Variants in PITPNC1 observed in about 807,000 individuals in gnomAD.
The protein encoded by PITPNC1 is phosphatidylinositol transfer protein cytoplasmic 1, also known as cytoplasmic phosphatidylinositol transfer protein 1.
In PITPNC1, 18 loss-of-function variants were observed where a neutral mutation model predicts 44.7. The ratio of observed to expected loss-of-function variants is 0.40; its 90% confidence interval spans 0.28 to 0.60. The LOEUF is 0.60. PITPNC1 is among the 20% of genes least tolerant of loss of function. The pLI is 0.39. For synonymous variants in PITPNC1, 141 were observed against 149.6 expected (o/e 0.94, Z 0.42); for missense variants, 290 against 418.4 (o/e 0.69, Z 2.68).
rs1033768114 is a variant in PITPNC1, at chr17:67,661,003, C to T, written c.463-8505C>T. On this transcript the variant is annotated intron_variant, in intron 6 of 8. Coordinates refer to ENST00000581322, the MANE Select transcript of PITPNC1 (RefSeq NM_012417.4). Reference sequence around the variant, plus strand: ...CCTACCAAGTAGCTGGGACTACAGGCGCCCGCCACCACGCCCAGCTAATTT... The same window carrying T: ...CCTACCAAGTAGCTGGGACTACAGGTGCCCGCCACCACGCCCAGCTAATTT... Among the ~76,000 whole-genome samples the T allele has an allele frequency of 7.3e-5, 11 of 150,682 alleles. No individual in the cohort carries two copies. In the East Asian group the frequency reaches 1.6e-3, roughly 21 times the overall value.
At chr17:67,462,789 G>C (rs192487770) in intron 1 of PITPNC1, among the ~76,000 whole-genome samples, 2 of 142,138 alleles carry the variant, frequency 1.4e-5, no homozygotes, top group Non-Finnish European at 1.5e-5. Flanking sequence ...CGCAACCTCC[G>C]CCTCCTGGGT....
intron 5 of PITPNC1, among the ~76,000 whole-genome samples, chr17:67,623,032 C>T (rs1265137408): frequency 6.7e-6 from 1 of 148,634 alleles, no homozygotes; most frequent in East Asian, 2.0e-4. Context: ...ATTCTGCTTC[C>T]AGTGTTCCTG....
At chr17:67,612,777 G>A (rs1248746579) in intron 5 of PITPNC1, 1 of 152,374 alleles carries the variant, frequency 6.6e-6, no homozygotes, top group Non-Finnish European at 1.5e-5. Flanking sequence ...AGAGTTAAGA[G>A]TCCAGCAGTT....
intron 1 of PITPNC1, among the ~76,000 whole-genome samples, chr17:67,522,904 A>C (rs1420439706): frequency 6.6e-6 from 1 of 152,032 alleles, no homozygotes; most frequent in East Asian, 1.9e-4. Flanking sequence ...TCTTGGGCTC[A>C]AGCTGTCCTC....
Position 67,378,195 on chromosome 17 carries a change from T to C in PITPNC1, c.41T>C (p.Val14Ala). Residue 14 changes from valine (V) to alanine (A), a missense_variant, in exon 1 of 9, where the codon GTA becomes GCA. By Grantham distance (64) the Val-to-Ala change is moderately conservative. Transcript: ENST00000581322. ...TACCGGATCTGCATGCCGCTCACCGTAGACGAGGTAAGCGCCGCGCCCGGC... is the reference window on the plus strand; with the variant it reads ...TACCGGATCTGCATGCCGCTCACCGCAGACGAGGTAAGCGCCGCGCCCGGC... ...KEYRICMPLT[V>A]DEYKIGQLYM... The C allele has an allele frequency of 6.5e-7, 1 of 1,541,038 alleles. No individual in the cohort carries two copies. Among genetic ancestry groups the C allele is most frequent in the Non-Finnish European group, 8.7e-7 (1 of 1,147,706 alleles).
intron 5 of PITPNC1, among the ~76,000 whole-genome samples, chr17:67,627,678 G>A (rs1354012577): frequency 1.3e-5 from 2 of 152,176 alleles, no homozygotes; most frequent in Non-Finnish European, 2.9e-5. Context: ...CTAAGAGGCG[G>A]TTTTGTTTTT....
At chr17:67,570,844 A>G (rs564126149) in intron 4 of PITPNC1, among the ~76,000 whole-genome samples, 2 of 151,662 alleles carry the variant, frequency 1.3e-5, no homozygotes, top group East Asian at 1.9e-4. Context: ...CTGCTGCTGC[A>G]TCTGGACACC....
At chr17:67,432,810 T>G (rs2038875830) in intron 1 of PITPNC1, among the ~76,000 whole-genome samples, 1 of 152,202 alleles carries the variant, frequency 6.6e-6, no homozygotes, top group South Asian at 2.1e-4. Flanking sequence ...TGTGTAGATT[T>G]CAGGTGTATG....
intron 1 of PITPNC1, among the ~76,000 whole-genome samples, chr17:67,418,391 A>T (rs1482956207): frequency 6.6e-6 from 1 of 152,204 alleles, no homozygotes; most frequent in Non-Finnish European, 1.5e-5. Flanking sequence ...ACAATGGGAG[A>T]AAATGGAATT....
intron 1 of PITPNC1, chr17:67,408,708 TCC>T (rs1361774489): frequency 3.4e-4 from 50 of 148,762 alleles, no homozygotes; most frequent in African/African-American, 7.5e-4. Context: ...CTTCCTTCCT[TCC>T]TTCCTTCCTT....
intron 6 of PITPNC1, among the ~76,000 whole-genome samples, chr17:67,640,604 C>T (rs1479143649): frequency 6.7e-6 from 1 of 148,960 alleles, no homozygotes; most frequent in Non-Finnish European, 1.5e-5. Flanking sequence ...CACTTGAACC[C>T]AGGAGGCGAA....
At chr17:67,649,903 G>T (rs2042190970) in intron 6 of PITPNC1, among the ~76,000 whole-genome samples, 1 of 152,054 alleles carries the variant, frequency 6.6e-6, no homozygotes, top group Non-Finnish European at 1.5e-5. Flanking sequence ...GTGAGGTATT[G>T]GGGGGTGGGG....
chr17:67,516,117 T>G (rs2040255110), intron 1 of PITPNC1, among the ~76,000 whole-genome samples: 1 of 152,212 alleles, frequency 6.6e-6, no homozygotes, highest in Admixed American at 6.5e-5. Context: ...TTTGCTCTCC[T>G]TGGCTCTGCT....
chr17:67,585,118 G>GAAAA (rs397857902), intron 5 of PITPNC1, among the ~76,000 whole-genome samples: 1 of 82,064 alleles, frequency 1.2e-5, no homozygotes, highest in Non-Finnish European at 2.7e-5. Context: ...CTCCATCTCA[G>GAAAA]AAAAAAAAAA....
intron 1 of PITPNC1, among the ~76,000 whole-genome samples, chr17:67,410,482 C>T (rs370967106): frequency 5.9e-5 from 9 of 152,214 alleles, no homozygotes; most frequent in Admixed American, 1.3e-4. Flanking sequence ...CTCCCAATCC[C>T]GAGTGATCCT....
At chr17:67,448,104 C>A (rs888417377) in intron 1 of PITPNC1, among the ~76,000 whole-genome samples, 3 of 151,950 alleles carry the variant, frequency 2.0e-5, no homozygotes, top group African/African-American at 7.3e-5. Flanking sequence ...CACCACCACA[C>A]CAGGCTAATG....
Position 67,377,376 on chromosome 17 carries a change from G to A in PITPNC1, c.-779G>A, listed in dbSNP as rs2143766859. On this transcript the variant is annotated 5_prime_UTR_variant, in exon 1 of 9. Transcript: ENST00000581322. ...AAACTCGCGGGCACGCACGGCGCCC[G>A]GGGAGCCGAGGGACTCGGGGGAGGG... is the stretch of plus-strand genomic sequence containing the variant. The A allele has an allele frequency of 6.6e-6, 1 of 152,314 alleles. No individual in the cohort carries two copies. The highest frequency in any genetic ancestry group is 2.0e-4 in the South Asian group (1 of 5,008). The allele number at this position is 152,314 out of a possible 1,614,324, so 9.4% of individuals were successfully genotyped here. A position where few individuals can be genotyped will look rare whatever the true frequency, so the allele number is the denominator to read the frequency against.
intron 1 of PITPNC1, among the ~76,000 whole-genome samples, chr17:67,400,929 G>GC (rs200188864): frequency 0.015 from 2,271 of 150,226 alleles, 59 homozygotes; most frequent in African/African-American, 0.053. Flanking sequence ...CTTTCTTTCT[G>GC]TTTTTTTTTG....
rs557977882 is a variant in PITPNC1, at chr17:67,543,558, AG to A, written c.198-8698del. Among the ~76,000 whole-genome samples the A allele has an allele frequency of 1.5e-3, 225 of 152,130 alleles. 1 individual carries two copies. The highest frequency in any genetic ancestry group is 4.9e-3 in the African/African-American group (204 of 41,490). ...CTGTAGTTTTCATTTGCTTTTCTCT[AG>A]TGACTAATGTTGACCGTCTCTTCAT... On this transcript the variant is annotated intron_variant, in intron 2 of 8. Coordinates refer to ENST00000581322, the MANE Select transcript of PITPNC1 (RefSeq NM_012417.4).
Sources: gnomAD v4.1 joint callset for allele counts (sites outside exome capture counted in the v4.1 genomes callset) on GRCh38, gnomAD v4.1.1 for gene constraint, MANE v1.5 for transcripts, NCBI Gene and HGNC (gene_info 2026-07-23, HGNC 2026-07-21) for gene names.